Variants in TENM3 observed in about 807,000 individuals in gnomAD.
TENM3 encodes teneurin transmembrane protein 3, also known as teneurin-3.
In TENM3, 63 loss-of-function variants were observed where a neutral mutation model predicts 255.1. The ratio of observed to expected loss-of-function variants is 0.25; its 90% CI spans 0.20 to 0.30. The LOEUF (loss-of-function observed/expected upper bound fraction) is 0.30, where lower values mean the gene tolerates loss of function less well. Ranked by LOEUF, TENM3 falls within the 10% of genes least tolerant of loss-of-function variation. TENM3 has a pLI of 1.00. For missense variants in TENM3, 2,929 were observed against 3,461.1 expected, an observed-to-expected ratio of 0.85 and a Z score of 3.86; for synonymous variants, 1,306 against 1,322.3, an observed-to-expected ratio of 0.99 and a Z score of 0.27.
chr4:181,496,006 G>C, the TENM3 span, among the ~76,000 whole-genome samples: 1 of 151,366 alleles, frequency 6.6e-6, no homozygotes, highest in Admixed American at 6.6e-5. Context: ...AATGAACTCA[G>C]AGTGGCTACC....
intron 11 of TENM3, among the ~76,000 whole-genome samples, chr4:182,685,496 CTTGTT>C (rs1002094460): frequency 6.6e-6 from 1 of 152,004 alleles, no homozygotes; most frequent in East Asian, 1.9e-4. Context: ...AACATGTTAA[CTTGTT>C]TTGTCCGCTA....
the TENM3 span, among the ~76,000 whole-genome samples, chr4:181,688,787 C>G: frequency 6.6e-6 from 1 of 152,144 alleles, no homozygotes; most frequent in East Asian, 1.9e-4. Flanking sequence ...AAGTGCATGT[C>G]TCCAACTATT....
At chr4:181,786,793 G>A in the TENM3 span, among the ~76,000 whole-genome samples, 1 of 151,864 alleles carries the variant, frequency 6.6e-6, no homozygotes. Flanking sequence ...CAAGGCAATG[G>A]TCAGGGATCT....
At chr4:181,581,497 C>T in the TENM3 span, among the ~76,000 whole-genome samples, 5 of 152,114 alleles carry the variant, frequency 3.3e-5, no homozygotes, top group African/African-American at 9.7e-5. Flanking sequence ...TCAAATATCC[C>T]GGTTTTCCTA....
the TENM3 span, among the ~76,000 whole-genome samples, chr4:181,470,768 T>A: frequency 6.6e-6 from 1 of 152,192 alleles, no homozygotes; most frequent in African/African-American, 2.4e-5. Context: ...ATTCCTATGA[T>A]AATTGCCTTG....
the TENM3 span, among the ~76,000 whole-genome samples, chr4:181,849,930 T>TTC: frequency 0.02 from 1,706 of 84,046 alleles, 39 homozygotes; most frequent in African/African-American, 0.031. Context: ...CTCTCTCTCT[T>TTC]TCTCTCTCTC....
chr4:181,595,223 G>A, the TENM3 span, among the ~76,000 whole-genome samples: 1 of 151,966 alleles, frequency 6.6e-6, no homozygotes, highest in Non-Finnish European at 1.5e-5. Context: ...TTGAGGTCAG[G>A]AGTTCGAGAT....
intron 1 of TENM3, among the ~76,000 whole-genome samples, chr4:182,167,485 G>A (rs904465463): frequency 1.9e-4 from 29 of 152,058 alleles, no homozygotes; most frequent in African/African-American, 6.5e-4. Context: ...GATTCAGGAG[G>A]CATAACAGGA....
At chr4:181,888,543 T>C in the TENM3 span, among the ~76,000 whole-genome samples, 5 of 115,910 alleles carry the variant, frequency 4.3e-5, no homozygotes, top group Non-Finnish European at 7.0e-5. Flanking sequence ...TGTGTATATA[T>C]ATATATGTAT....
intron 3 of TENM3, among the ~76,000 whole-genome samples, chr4:182,547,723 A>C (rs1291554822): frequency 2.6e-5 from 4 of 152,136 alleles, no homozygotes; most frequent in African/African-American, 9.7e-5. Flanking sequence ...CGGTTTTCAT[A>C]GTTTGACTAA....
chr4:182,156,386 T>A (rs1277048174), intron 1 of TENM3, among the ~76,000 whole-genome samples: 1 of 152,076 alleles, frequency 6.6e-6, no homozygotes, highest in African/African-American at 2.4e-5. Context: ...GATTCAGGGG[T>A]GCACAGGCAG....
chr4:182,718,686 C>T (rs915989722), intron 13 of TENM3, among the ~76,000 whole-genome samples: 5 of 152,162 alleles, frequency 3.3e-5, no homozygotes, highest in Non-Finnish European at 5.9e-5. Context: ...AAAGTATAGC[C>T]TTTTGACTTG....
intron 3 of TENM3, among the ~76,000 whole-genome samples, chr4:182,539,766 G>T (rs1163631592): frequency 6.6e-6 from 1 of 152,188 alleles, no homozygotes; most frequent in Non-Finnish European, 1.5e-5. Flanking sequence ...GAATATAAAT[G>T]TGTATAATAT....
the TENM3 span, among the ~76,000 whole-genome samples, chr4:181,966,403 C>A: frequency 1.3e-5 from 2 of 152,166 alleles, no homozygotes; most frequent in African/African-American, 4.8e-5. Flanking sequence ...ATTCTCCAAG[C>A]TCTCTGCAGA....
At chr4:182,719,480 C>T (rs896177483) in intron 13 of TENM3, among the ~76,000 whole-genome samples, 19 of 151,860 alleles carry the variant, frequency 1.3e-4, no homozygotes, top group Non-Finnish European at 2.5e-4. Context: ...AGGATGGTCT[C>T]GAACTCCTGA....
the TENM3 span, among the ~76,000 whole-genome samples, chr4:181,487,407 A>C: frequency 1.3e-5 from 2 of 152,202 alleles, no homozygotes; most frequent in African/African-American, 4.8e-5. Context: ...AACTTCTCAC[A>C]GTTCTGGAGG....
intron 1 of TENM3, among the ~76,000 whole-genome samples, chr4:182,208,005 GT>G (rs1216603910): frequency 6.6e-6 from 1 of 152,216 alleles, no homozygotes; most frequent in Non-Finnish European, 1.5e-5. Context: ...TTCCTCAGAA[GT>G]TTTGTCAGTT....
chr4:182,253,221 T>A (rs927046803), intron 1 of TENM3, among the ~76,000 whole-genome samples: 1 of 152,100 alleles, frequency 6.6e-6, no homozygotes, highest in Non-Finnish European at 1.5e-5. Context: ...CCTGTAATTC[T>A]AGCACTTTGG....
At chr4:182,321,932 G>A (rs1343632972) in intron 1 of TENM3, among the ~76,000 whole-genome samples, 6 of 152,076 alleles carry the variant, frequency 3.9e-5, no homozygotes, top group South Asian at 2.1e-4. Flanking sequence ...GCAACAGAGC[G>A]AGATTCCGTC....
Sources: allele counts gnomAD v4.1 joint callset (sites outside exome capture counted in the v4.1 genomes callset), GRCh38; gene constraint gnomAD v4.1.1; transcripts MANE v1.5; gene names NCBI Gene and HGNC (gene_info 2026-07-23, HGNC 2026-07-21).